The following ANKRD12 variants were observed in gnomAD, a reference collection of about 807,000 sequenced individuals.
ANKRD12 encodes ankyrin repeat domain-containing protein 12.
ANKRD12 carries 85 observed loss-of-function variants against 183.4 expected under a neutral mutation model. The observed-to-expected ratio is 0.46, with a 90% CI of 0.39 to 0.56. ANKRD12 has a LOEUF of 0.56. Ranked by LOEUF, ANKRD12 falls within the 20% of genes least tolerant of loss-of-function variation. The probability of loss-of-function intolerance (pLI) is 0.00; values close to 1 mark genes in which losing one functional copy is unlikely to be tolerated. For synonymous variants in ANKRD12, 914 were observed against 800.2 expected, an observed-to-expected ratio of 1.14 and a Z score of -2.40; for missense variants, 2,405 against 2,357.1, an observed-to-expected ratio of 1.02 and a Z score of -0.42.
chr18:9,237,666 A>G (rs1034136051), intron 8 of ANKRD12, among the ~76,000 whole-genome samples: 4 of 152,178 alleles, frequency 2.6e-5, no homozygotes, highest in South Asian at 2.1e-4. Context: ...TCATTTTTGT[A>G]AAATGAACAG....
chr18:9,285,722 C>T lies in ANKRD12; in HGVS notation c.*4596C>T, dbSNP rs1358495405. 1.3e-5 allele frequency: 2 copies of T among 152,124 alleles called. No homozygotes were observed. The highest frequency in any genetic ancestry group is 2.9e-5 in the Non-Finnish European group (2 of 68,020). The allele number at this position is 152,124 out of a possible 1,614,324, so 9.4% of individuals were successfully genotyped here. A position where few individuals can be genotyped will look rare whatever the true frequency, so the allele number is the denominator to read the frequency against. Reference sequence around the variant, plus strand: ...CTCCAGTCACTACCCCTGAGGCAGCCACTGTGCTGATTTCCCATCACCATA... The same window carrying T: ...CTCCAGTCACTACCCCTGAGGCAGCTACTGTGCTGATTTCCCATCACCATA... On this transcript the variant is annotated 3_prime_UTR_variant, in exon 13 of 13. Transcript: ENST00000262126.
intron 6 of ANKRD12, among the ~76,000 whole-genome samples, chr18:9,216,467 G>A (rs2036114354): frequency 6.6e-6 from 1 of 152,158 alleles, no homozygotes; most frequent in Non-Finnish European, 1.5e-5. Flanking sequence ...TTAACAGTAG[G>A]CTATTAGTAA....
chr18:9,269,590 C>T (rs1389742500), intron 10 of ANKRD12, among the ~76,000 whole-genome samples: 4 of 152,152 alleles, frequency 2.6e-5, no homozygotes, highest in Non-Finnish European at 4.4e-5. Flanking sequence ...AAACTGGATC[C>T]CTTCCTTACA....
At chr18:9,146,215 T>TC (rs1183926697) in intron 1 of ANKRD12, among the ~76,000 whole-genome samples, 1 of 152,222 alleles carries the variant, frequency 6.6e-6, no homozygotes, top group Non-Finnish European at 1.5e-5. Context: ...TGCCTTTTTT[T>TC]CCCCCGATTC....
chr18:9,149,188 T>C (rs1288382311), intron 1 of ANKRD12, among the ~76,000 whole-genome samples: 1 of 152,194 alleles, frequency 6.6e-6, no homozygotes, highest in African/African-American at 2.4e-5. Context: ...TTTTTTCTGT[T>C]AAAAACTGTC....
intron 10 of ANKRD12, among the ~76,000 whole-genome samples, chr18:9,271,207 G>T (rs1327801859): frequency 6.6e-6 from 1 of 151,958 alleles, no homozygotes; most frequent in Non-Finnish European, 1.5e-5. Flanking sequence ...AAATAGCTTG[G>T]ACTACAAGCA....
chr18:9,261,712 T>G (rs2038976408), intron 9 of ANKRD12, among the ~76,000 whole-genome samples: 1 of 152,210 alleles, frequency 6.6e-6, no homozygotes, highest in African/African-American at 2.4e-5. Flanking sequence ...CCATTCTGTT[T>G]GTTTTTGCAT....
At chr18:9,274,019 A>G (rs1212717031) in intron 10 of ANKRD12, among the ~76,000 whole-genome samples, 1 of 152,262 alleles carries the variant, frequency 6.6e-6, no homozygotes, top group African/African-American at 2.4e-5. Context: ...TCTACTGGAC[A>G]GCTAAAGGAA....
intron 8 of ANKRD12, among the ~76,000 whole-genome samples, chr18:9,241,780 T>C (rs1426208784): frequency 2.0e-5 from 3 of 152,158 alleles, no homozygotes; most frequent in African/African-American, 7.2e-5. Flanking sequence ...TTTTTAAATG[T>C]ATATATCACC....
At chr18:9,183,100 T>C (rs2033816296) in intron 2 of ANKRD12, among the ~76,000 whole-genome samples, 1 of 152,220 alleles carries the variant, frequency 6.6e-6, no homozygotes, top group African/African-American at 2.4e-5. Context: ...TGGAAAGGTC[T>C]TTGTTGCCCA....
At chr18:9,249,682 A>G (rs1454266002) in intron 8 of ANKRD12, 1 of 152,240 alleles carries the variant, frequency 6.6e-6, no homozygotes, top group Admixed American at 6.5e-5. Context: ...TGAGAGTAGG[A>G]AAAGAATAAA....
At chr18:9,210,164 T>C (rs2035711449) in intron 5 of ANKRD12, among the ~76,000 whole-genome samples, 1 of 152,108 alleles carries the variant, frequency 6.6e-6, no homozygotes, top group African/African-American at 2.4e-5. Context: ...ACAGATATAC[T>C]TGGAGTTTGT....
intron 10 of ANKRD12, among the ~76,000 whole-genome samples, chr18:9,265,434 G>C (rs1376661841): frequency 6.6e-6 from 1 of 152,176 alleles, no homozygotes; most frequent in Non-Finnish European, 1.5e-5. Flanking sequence ...AAAACTTCCA[G>C]AGGAATGATC....
intron 8 of ANKRD12, among the ~76,000 whole-genome samples, chr18:9,230,959 TGCCTG>T (rs1481887317): frequency 2.0e-5 from 3 of 152,154 alleles, no homozygotes; most frequent in Non-Finnish European, 4.4e-5. Context: ...TAAGCCACCA[TGCCTG>T]GCCTCCACTT....
chr18:9,164,800 TTTA>T (rs1187802319), intron 1 of ANKRD12, among the ~76,000 whole-genome samples: 3 of 152,174 alleles, frequency 2.0e-5, no homozygotes, highest in Non-Finnish European at 4.4e-5. Context: ...TCAGGAGTGT[TTTA>T]TTAATAATTG....
At chr18:9,263,216 A>G (rs899333863) in intron 9 of ANKRD12, among the ~76,000 whole-genome samples, 5 of 152,220 alleles carry the variant, frequency 3.3e-5, no homozygotes, top group African/African-American at 7.2e-5. Flanking sequence ...ATTACACTAC[A>G]ATATCAAATT....
intron 1 of ANKRD12, among the ~76,000 whole-genome samples, chr18:9,157,585 G>GTGTGTGTATATATATATA (rs1472659778): frequency 3.2e-5 from 3 of 92,706 alleles, no homozygotes; most frequent in African/African-American, 1.6e-4. Context: ...GTGTGTGTGT[G>GTGTGTGTATATATATATA]TATATATATA....
chr18:9,188,884 CTTCCTAT>C (rs1306999681), intron 2 of ANKRD12, among the ~76,000 whole-genome samples: 1 of 152,162 alleles, frequency 6.6e-6, no homozygotes, highest in Non-Finnish European at 1.5e-5. Context: ...CTCCTTGGGC[CTTCCTAT>C]TTCCTAAAAC....
chr18:9,259,637 T>C (rs1294044877), intron 9 of ANKRD12: 1 of 152,186 alleles, frequency 6.6e-6, no homozygotes, highest in Non-Finnish European at 1.5e-5. Flanking sequence ...AAAGCATAGG[T>C]GAGAAATATT....
Sources: gnomAD v4.1 joint callset for allele counts (sites outside exome capture counted in the v4.1 genomes callset) on GRCh38, gnomAD v4.1.1 for gene constraint, MANE v1.5 for transcripts, NCBI Gene and HGNC (gene_info 2026-07-23, HGNC 2026-07-21) for gene names.